The following TMEM132C variants were observed in gnomAD, a reference collection of about 807,000 sequenced individuals.
TMEM132C encodes the protein transmembrane protein 132C.
Under a neutral mutation model 61.4 loss-of-function variants are expected in TMEM132C, and 29 were observed. The ratio of observed to expected loss-of-function variants is 0.47; its 90% CI spans 0.35 to 0.64. TMEM132C has a LOEUF of 0.64. TMEM132C is among the 30% of genes least tolerant of loss of function. The pLI is 0.00. For missense variants in TMEM132C, 1,408 were observed against 1,476.9 expected (o/e 0.95, Z 0.76); for synonymous variants, 656 against 633.1 (o/e 1.04, Z -0.54).
At chr12:128,346,633 A>AGGG (rs1873167408) in intron 1 of TMEM132C, among the ~76,000 whole-genome samples, 3 of 152,124 alleles carry the variant, frequency 2.0e-5, no homozygotes, top group Admixed American at 2.0e-4. Context: ...AGTTACCTGT[A>AGGG]TTCCTAGATA....
At chr12:128,654,370 C>T (rs1954302800) in intron 4 of TMEM132C, among the ~76,000 whole-genome samples, 1 of 152,120 alleles carries the variant, frequency 6.6e-6, no homozygotes, top group Non-Finnish European at 1.5e-5. Context: ...AAGGATCCTG[C>T]CCTGCAGCCT....
intron 4 of TMEM132C, among the ~76,000 whole-genome samples, chr12:128,645,027 T>C (rs563671001): frequency 6.6e-6 from 1 of 152,306 alleles, no homozygotes; most frequent in East Asian, 1.9e-4. Flanking sequence ...ATGAGTCCTC[T>C]GTGCTGAGAG....
At chr12:128,293,710 A>G (rs1260272426) in intron 1 of TMEM132C, among the ~76,000 whole-genome samples, 1 of 151,950 alleles carries the variant, frequency 6.6e-6, no homozygotes, top group African/African-American at 2.4e-5. Context: ...TTGTCTCCCA[A>G]CCTCCTAAGG....
intron 3 of TMEM132C, among the ~76,000 whole-genome samples, chr12:128,567,862 C>G (rs1403180442): frequency 6.6e-6 from 1 of 152,208 alleles, no homozygotes; most frequent in East Asian, 1.9e-4. Flanking sequence ...TGAACAAGAT[C>G]CAATGCCTTG....
intron 1 of TMEM132C, among the ~76,000 whole-genome samples, chr12:128,321,376 C>T (rs951052276): frequency 3.3e-5 from 5 of 152,060 alleles, no homozygotes; most frequent in African/African-American, 9.7e-5. Flanking sequence ...AAGAAGCCAA[C>T]GTCAGAAGGC....
At chr12:128,340,916 T>TTC (rs71989914) in intron 1 of TMEM132C, among the ~76,000 whole-genome samples, 5,163 of 128,248 alleles carry the variant, frequency 0.04, 106 homozygotes, top group African/African-American at 0.063. Context: ...CTCTCTCTCT[T>TTC]TCTCTCTCTC....
chr12:128,358,793 T>C (rs981611759), intron 1 of TMEM132C, among the ~76,000 whole-genome samples: 2 of 152,010 alleles, frequency 1.3e-5, no homozygotes, highest in African/African-American at 4.8e-5. Flanking sequence ...TGCACAAAAT[T>C]TGAATTGCGC....
At chr12:128,336,217 T>A (rs1391062820) in intron 1 of TMEM132C, among the ~76,000 whole-genome samples, 1 of 152,226 alleles carries the variant, frequency 6.6e-6, no homozygotes, top group East Asian at 1.9e-4. Context: ...GTTTGTTCAT[T>A]AGATGGGAAG....
intron 2 of TMEM132C, among the ~76,000 whole-genome samples, chr12:128,440,121 T>A (rs1343212666): frequency 6.6e-6 from 1 of 152,228 alleles, no homozygotes; most frequent in Non-Finnish European, 1.5e-5. Context: ...AAGAATTTGC[T>A]CAGTCAAAGG....
chr12:128,613,338 G>A (rs902159323), intron 3 of TMEM132C, among the ~76,000 whole-genome samples: 50 of 152,260 alleles, frequency 3.3e-4, no homozygotes, highest in Admixed American at 3.3e-3. Flanking sequence ...CAGTGAGAGA[G>A]GATCTCCTGG....
At chr12:128,518,879 C>G (rs1872809107) in intron 2 of TMEM132C, among the ~76,000 whole-genome samples, 1 of 152,166 alleles carries the variant, frequency 6.6e-6, no homozygotes, top group African/African-American at 2.4e-5. Context: ...GGGCAATTTA[C>G]ATAATCCTTT....
chr12:128,508,668 G>T (rs998008057), intron 2 of TMEM132C, among the ~76,000 whole-genome samples: 1 of 152,192 alleles, frequency 6.6e-6, no homozygotes, highest in East Asian at 1.9e-4. Context: ...CTTTGTAACT[G>T]TCCTGTTCTC....
At chr12:128,519,404 C>T (rs940148094) in intron 2 of TMEM132C, among the ~76,000 whole-genome samples, 2 of 152,222 alleles carry the variant, frequency 1.3e-5, no homozygotes, top group African/African-American at 4.8e-5. Flanking sequence ...CAGTTTTCAT[C>T]CTTACAGTGA....
intron 1 of TMEM132C, among the ~76,000 whole-genome samples, chr12:128,378,374 C>T (rs1874281781): frequency 6.6e-6 from 1 of 152,106 alleles, no homozygotes; most frequent in African/African-American, 2.4e-5. Flanking sequence ...CCTCGGCCTC[C>T]CAAAGTGCTG....
chr12:128,542,839 G>C lies in TMEM132C; in HGVS notation c.975-1118G>C, dbSNP rs565107443. ...TTGCACCACTGTACTCCAGCCTAGCGACAGAACAATACTTCGATGCAAAAA... is the reference window on the plus strand; with the variant it reads ...TTGCACCACTGTACTCCAGCCTAGCCACAGAACAATACTTCGATGCAAAAA... On this transcript the variant is annotated intron_variant, in intron 2 of 8. Coordinates refer to ENST00000435159, the MANE Select transcript of TMEM132C (RefSeq NM_001136103.3). Among the ~76,000 whole-genome samples, 483 of 122,184 alleles carry C rather than the reference G, an allele frequency of 4.0e-3. 1 individual carries two copies. Among genetic ancestry groups the C allele is most frequent in the Non-Finnish European group, 4.3e-3 (272 of 62,832 alleles). The allele number at this position is 122,184 out of a possible 152,430, so 80.2% of individuals were successfully genotyped here. A position where few individuals can be genotyped will look rare whatever the true frequency, so the allele number is the denominator to read the frequency against.
At chr12:128,275,559 A>G (rs890459980) in intron 1 of TMEM132C, among the ~76,000 whole-genome samples, 6 of 152,120 alleles carry the variant, frequency 3.9e-5, no homozygotes, top group African/African-American at 1.4e-4. Context: ...ATAATAATAG[A>G]GATAAAATGC....
chr12:128,623,141 A>G (rs1953983003), intron 4 of TMEM132C, among the ~76,000 whole-genome samples: 1 of 152,162 alleles, frequency 6.6e-6, no homozygotes, highest in Non-Finnish European at 1.5e-5. Flanking sequence ...ATTCTCCAAT[A>G]AATGATACCA....
intron 4 of TMEM132C, among the ~76,000 whole-genome samples, chr12:128,620,095 G>C (rs184769607): frequency 6.6e-6 from 1 of 151,800 alleles, no homozygotes; most frequent in African/African-American, 2.4e-5. Flanking sequence ...AGCCAGGTGC[G>C]GTAGCACACA....
At chr12:128,583,484 C>CA (rs962220802) in intron 3 of TMEM132C, among the ~76,000 whole-genome samples, 5 of 152,074 alleles carry the variant, frequency 3.3e-5, no homozygotes, top group Non-Finnish European at 7.4e-5. Context: ...CCGCCTACAG[C>CA]AATCATCTCT....
Sources: gnomAD v4.1 joint callset for allele counts (sites outside exome capture counted in the v4.1 genomes callset) on GRCh38, gnomAD v4.1.1 for gene constraint, MANE v1.5 for transcripts, NCBI Gene and HGNC (gene_info 2026-07-23, HGNC 2026-07-21) for gene names.